Variants in DYNC2I1 observed in about 807,000 individuals in gnomAD.
DYNC2I1 encodes cytoplasmic dynein 2 intermediate chain 1.
DYNC2I1 carries 89 observed loss-of-function variants against 133.4 expected under a neutral mutation model. The observed-to-expected ratio is 0.67, with a 90% confidence interval of 0.56 to 0.80. The LOEUF is 0.80. DYNC2I1 is among the 30% of genes least tolerant of loss of function. The pLI is 0.00. For missense variants in DYNC2I1, 1,291 were observed against 1,314.5 expected (o/e 0.98, Z 0.28); for synonymous variants, 504 against 484.3 (o/e 1.04, Z -0.54).
Position 158,906,058 on chromosome 7 carries a change from G to A in DYNC2I1, c.1427G>A (p.Arg476His), listed in dbSNP as rs758705639. Residue 476 changes from arginine (R) to histidine (H), a missense_variant, in exon 11 of 25, where the codon CGT becomes CAT. Transcript: ENST00000407559. ...IFVDFASASH[R>H]QKSRTQALKQ... Reference sequence around the variant, plus strand: ...GTGGATTTTGCCTCAGCTTCACACCGTCAAAAGAGTCGGACTCAGGCCCTT... The same window carrying A: ...GTGGATTTTGCCTCAGCTTCACACCATCAAAAGAGTCGGACTCAGGCCCTT... 40 of 1,613,426 alleles carry A rather than the reference G, an allele frequency of 2.5e-5. No homozygotes were observed. The highest frequency in any genetic ancestry group is 6.7e-5 in the East Asian group (3 of 44,882).
chr7:158,905,431 G>A (rs73529738), intron 10 of DYNC2I1: 2,293 of 212,872 alleles, frequency 0.011, 60 homozygotes, highest in African/African-American at 0.05. Flanking sequence ...ATGAGCCATC[G>A]TATCTGGCCA....
chr7:158,887,717 A>C (rs760535822), intron 7 of DYNC2I1, among the ~76,000 whole-genome samples: 18 of 152,228 alleles, frequency 1.2e-4, no homozygotes, highest in Non-Finnish European at 2.2e-4. Flanking sequence ...TCAGGCTCTG[A>C]TGGCTTCTCT....
chr7:158,855,999 T>A (rs1179712699), upstream of DYNC2I1, among the ~76,000 whole-genome samples: 2 of 147,654 alleles, frequency 1.4e-5, no homozygotes, highest in South Asian at 2.2e-4. Context: ...TGGAGTGCAG[T>A]GGCGTGATCT....
At chr7:158,867,543 C>T (rs760902235) in intron 1 of DYNC2I1, among the ~76,000 whole-genome samples, 10 of 152,096 alleles carry the variant, frequency 6.6e-5, no homozygotes, top group Non-Finnish European at 8.8e-5. Context: ...TGACAGGAGG[C>T]GCTCCAGGTG....
In DYNC2I1 at chr7:158,869,951, G is replaced by A. The variant is rs116625827; in HGVS notation, c.69+43G>A. 1,145 of 1,575,402 alleles carry A rather than the reference G, an allele frequency of 7.3e-4. 7 individuals carry two copies. In the African/African-American group the frequency reaches 0.014, roughly 19 times the overall value. On this transcript the variant is annotated intron_variant, in intron 2 of 24. Coordinates refer to ENST00000407559, the MANE Select transcript of DYNC2I1 (RefSeq NM_018051.5). Reference sequence around the variant, plus strand: ...TTGGATTGGGATCTGTGCAGGACTCGTGTGGTTTTCTTGGACCTGCTTTAC... The same window carrying A: ...TTGGATTGGGATCTGTGCAGGACTCATGTGGTTTTCTTGGACCTGCTTTAC...
chr7:158,842,229 A>G, the DYNC2I1 span, among the ~76,000 whole-genome samples: 3 of 152,240 alleles, frequency 2.0e-5, no homozygotes, highest in South Asian at 6.2e-4. Flanking sequence ...GGGTTTCACC[A>G]TATTGGTCAG....
intron 5 of DYNC2I1, among the ~76,000 whole-genome samples, chr7:158,883,516 C>T (rs1457631591): frequency 1.3e-5 from 2 of 151,364 alleles, no homozygotes; most frequent in Non-Finnish European, 2.9e-5. Flanking sequence ...TGGTGCCTGG[C>T]CTCTATATGA....
intron 23 of DYNC2I1, among the ~76,000 whole-genome samples, chr7:158,940,959 T>C (rs1157960732): frequency 6.6e-6 from 1 of 151,636 alleles, no homozygotes; most frequent in Non-Finnish European, 1.5e-5. Context: ...TCAAAATTAG[T>C]GGAAGGAAAG....
rs1016605333 is a variant in DYNC2I1, at chr7:158,934,013, A to G, written c.2547-116A>G. The G allele has an allele frequency of 2.0e-5, 14 of 704,406 alleles. No individual in the cohort carries two copies. The African/African-American group carries it at 2.5e-4, about 13-fold the overall frequency. The allele number at this position is 704,406 out of a possible 1,614,324, so 43.6% of individuals were successfully genotyped here. Reference sequence around the variant, plus strand: ...ACAGAGTGGCTAAACCCACAGAGGAATGTGACATGGCCTGTTATACATCGA... The same window carrying G: ...ACAGAGTGGCTAAACCCACAGAGGAGTGTGACATGGCCTGTTATACATCGA... On this transcript the variant is annotated intron_variant, in intron 21 of 24. Coordinates refer to ENST00000407559, the MANE Select transcript of DYNC2I1 (RefSeq NM_018051.5).
intron 11 of DYNC2I1, among the ~76,000 whole-genome samples, chr7:158,908,481 T>A (rs958487083): frequency 6.6e-6 from 1 of 152,232 alleles, no homozygotes; most frequent in African/African-American, 2.4e-5. Context: ...TTGTAAAATA[T>A]ATGATAGAGA....
intron 21 of DYNC2I1, among the ~76,000 whole-genome samples, chr7:158,933,762 A>C (rs1367841982): frequency 6.6e-6 from 1 of 152,248 alleles, no homozygotes; most frequent in Admixed American, 6.5e-5. Flanking sequence ...AACTACAAGC[A>C]TGAAGAAATA....
At chr7:158,910,760 G>C (rs915528327) in intron 11 of DYNC2I1, among the ~76,000 whole-genome samples, 1 of 149,966 alleles carries the variant, frequency 6.7e-6, no homozygotes, top group African/African-American at 2.5e-5. Flanking sequence ...AGACCTGTGG[G>C]TGGAGGGCCA....
intron 23 of DYNC2I1, among the ~76,000 whole-genome samples, chr7:158,940,909 A>G (rs535043022): frequency 5.3e-4 from 80 of 152,312 alleles, no homozygotes; most frequent in Non-Finnish European, 1.0e-3. Flanking sequence ...CAATGTAACA[A>G]TGCACCTCAA....
At chr7:158,900,940 C>G (rs968079144) in intron 8 of DYNC2I1, among the ~76,000 whole-genome samples, 2 of 152,028 alleles carry the variant, frequency 1.3e-5, no homozygotes, top group African/African-American at 4.8e-5. Context: ...CTTAGACTTT[C>G]CATCTCTCTG....
At chr7:158,839,628 G>A in the DYNC2I1 span, among the ~76,000 whole-genome samples, 1 of 152,080 alleles carries the variant, frequency 6.6e-6, no homozygotes, top group Non-Finnish European at 1.5e-5. Context: ...GACCATCCTG[G>A]CTGACACGGT....
At chr7:158,879,488 ATGCAAATAGT>A (rs1377507505) in intron 4 of DYNC2I1, among the ~76,000 whole-genome samples, 186 bp from the exon 5 acceptor site, 1 of 152,170 alleles carries the variant, frequency 6.6e-6, no homozygotes, top group Non-Finnish European at 1.5e-5. Context: ...TATAAATGAG[ATGCAAATAGT>A]TGTTATTGTT....
At chr7:158,865,027 C>T (rs912243659) in intron 1 of DYNC2I1, among the ~76,000 whole-genome samples, 8 of 152,198 alleles carry the variant, frequency 5.3e-5, no homozygotes, top group Non-Finnish European at 1.0e-4. Flanking sequence ...GCGTCAGGTC[C>T]AGGGGCTTCT....
intron 15 of DYNC2I1, among the ~76,000 whole-genome samples, chr7:158,919,201 C>G (rs1445683173): frequency 6.6e-6 from 1 of 152,126 alleles, no homozygotes; most frequent in Non-Finnish European, 1.5e-5. Context: ...AGTTTCTTTT[C>G]TTGAGATAGA....
chr7:158,880,466 A>G (rs1843889261), intron 5 of DYNC2I1, among the ~76,000 whole-genome samples: 3 of 152,040 alleles, frequency 2.0e-5, no homozygotes, highest in Admixed American at 2.0e-4. Flanking sequence ...GAATCTGGGA[A>G]GGAGAATTGC....
Sources: gnomAD v4.1 joint callset for allele counts (sites outside exome capture counted in the v4.1 genomes callset) on GRCh38, gnomAD v4.1.1 for gene constraint, MANE v1.5 for transcripts, NCBI Gene and HGNC (gene_info 2026-07-23, HGNC 2026-07-21) for gene names.